Variants in COL21A1 observed in about 807,000 individuals in gnomAD.
COL21A1 encodes the protein collagen alpha-1(XXI) chain.
In COL21A1, 149 loss-of-function variants were observed where a neutral mutation model predicts 137.9. The ratio of observed to expected loss-of-function variants is 1.08; its 90% confidence interval spans 0.95 to 1.24. COL21A1 has a LOEUF of 1.24. Ranked by LOEUF, COL21A1 falls within the 50% of genes most tolerant of loss-of-function variation. COL21A1 has a pLI of 0.00. For synonymous variants in COL21A1, 456 were observed against 391.5 expected, an observed-to-expected ratio of 1.16 and a Z score of -1.95; for missense variants, 1,167 against 1,158.4, an observed-to-expected ratio of 1.01 and a Z score of -0.11.
intron 1 of COL21A1, among the ~76,000 whole-genome samples, chr6:56,334,089 A>G (rs6921043): frequency 0.67 from 102,433 of 151,786 alleles, 34,917 homozygotes; most frequent in East Asian, 0.9. Context: ...GAAAGAGGGA[A>G]TAGATAAAAA....
intron 1 of COL21A1, among the ~76,000 whole-genome samples, chr6:56,233,592 T>C (rs1400684992): frequency 6.6e-6 from 1 of 151,648 alleles, no homozygotes; most frequent in Admixed American, 6.6e-5. Context: ...TTTTACAAAA[T>C]ATTTCAGAAG....
intron 1 of COL21A1, among the ~76,000 whole-genome samples, chr6:56,189,444 A>AG (rs1778516052): frequency 6.6e-6 from 1 of 152,112 alleles, no homozygotes; most frequent in Non-Finnish European, 1.5e-5. Context: ...GAATGAATAA[A>AG]GCCTCCAAGA....
At chr6:56,101,660 T>C (rs1360313664) in intron 16 of COL21A1, 135 bp from the exon 17 acceptor site, 4 of 668,270 alleles carry the variant, frequency 6.0e-6, no homozygotes, top group Non-Finnish European at 1.0e-5. Flanking sequence ...GGACTACTGA[T>C]ATTAACTTTT....
At chr6:56,373,105 G>T (rs2093992952) in intron 1 of COL21A1, among the ~76,000 whole-genome samples, 2 of 152,150 alleles carry the variant, frequency 1.3e-5, no homozygotes, top group Non-Finnish European at 2.9e-5. Flanking sequence ...GTGATGTCCA[G>T]CATCCCAGGT....
At chr6:56,160,388 T>C (rs1269877654) in intron 9 of COL21A1, among the ~76,000 whole-genome samples, 1 of 152,146 alleles carries the variant, frequency 6.6e-6, no homozygotes, top group Non-Finnish European at 1.5e-5. Context: ...CACACAGCAG[T>C]GATAGAGATG....
intron 1 of COL21A1, among the ~76,000 whole-genome samples, chr6:56,295,502 G>C (rs1582762422): frequency 6.6e-6 from 1 of 151,932 alleles, no homozygotes; most frequent in Admixed American, 6.6e-5. Flanking sequence ...ATTTTATTAG[G>C]ATTCCATTGA....
chr6:56,385,032 T>C (rs2094015228), intron 1 of COL21A1, among the ~76,000 whole-genome samples: 1 of 152,200 alleles, frequency 6.6e-6, no homozygotes, highest in Admixed American at 6.5e-5. Context: ...AACTGAGTCC[T>C]GCAGAAGCAG....
intron 1 of COL21A1, among the ~76,000 whole-genome samples, chr6:56,282,123 G>A (rs942578262): frequency 3.3e-5 from 5 of 152,126 alleles, no homozygotes; most frequent in African/African-American, 9.7e-5. Context: ...GCAACTATTG[G>A]TTGGGGTCAT....
chr6:56,115,506 C>T (rs1390750563), intron 16 of COL21A1, among the ~76,000 whole-genome samples: 2 of 152,128 alleles, frequency 1.3e-5, no homozygotes, highest in Non-Finnish European at 2.9e-5. Context: ...TAGATCACAA[C>T]ACCCAAGTCC....
At chr6:56,379,718 G>A (rs150060728) in intron 1 of COL21A1, among the ~76,000 whole-genome samples, 40 of 152,094 alleles carry the variant, frequency 2.6e-4, no homozygotes, top group African/African-American at 9.7e-4. Context: ...ATAGGATTTC[G>A]TATTTAATAT....
chr6:56,192,999 A>C (rs1778793339), intron 1 of COL21A1, among the ~76,000 whole-genome samples: 1 of 152,212 alleles, frequency 6.6e-6, no homozygotes, highest in Non-Finnish European at 1.5e-5. Context: ...AAAAAGGATG[A>C]GTTCACGTCC....
intron 12 of COL21A1, 26 bp from the exon 13 acceptor site, chr6:56,126,175 C>G (rs1467028704): frequency 1.2e-5 from 17 of 1,474,018 alleles, no homozygotes. Context: ...AAATTAATTA[C>G]AAAGAAAAAC....
intron 1 of COL21A1, among the ~76,000 whole-genome samples, chr6:56,239,882 C>A (rs1050077206): frequency 6.6e-6 from 1 of 152,152 alleles, no homozygotes; most frequent in Non-Finnish European, 1.5e-5. Context: ...GTATGGTTTG[C>A]CTGTGTCCCA....
chr6:56,365,769 C>T (rs557472865), intron 1 of COL21A1, among the ~76,000 whole-genome samples: 4 of 152,238 alleles, frequency 2.6e-5, no homozygotes, highest in Non-Finnish European at 5.9e-5. Flanking sequence ...GGTATGACAT[C>T]GAGCAGTTTC....
At chr6:56,079,494 C>G (rs1046853227) in intron 17 of COL21A1, among the ~76,000 whole-genome samples, 1 of 151,558 alleles carries the variant, frequency 6.6e-6, no homozygotes, top group Non-Finnish European at 1.5e-5. Context: ...CTGGAGAAAA[C>G]AGTTATACCC....
At chr6:56,224,192 G>A (rs1781049890) in intron 1 of COL21A1, among the ~76,000 whole-genome samples, 1 of 152,098 alleles carries the variant, frequency 6.6e-6, no homozygotes, top group South Asian at 2.1e-4. Context: ...AGGGGAAAAA[G>A]CAACCAATGC....
chr6:56,323,843 T>C (rs1764934768), intron 1 of COL21A1, among the ~76,000 whole-genome samples: 1 of 152,156 alleles, frequency 6.6e-6, no homozygotes. Context: ...TACTATGATG[T>C]AGCCTGAAGT....
chr6:56,150,565 C>CACACACAA (rs1402170446), intron 10 of COL21A1, among the ~76,000 whole-genome samples: 2,123 of 112,640 alleles, frequency 0.019, 89 homozygotes, highest in African/African-American at 0.053. Context: ...CACACACACA[C>CACACACAA]AAGAGTGGGG....
chr6:56,112,992 G>A (rs1195452937), intron 16 of COL21A1, among the ~76,000 whole-genome samples: 3 of 152,136 alleles, frequency 2.0e-5, no homozygotes, highest in Admixed American at 1.3e-4. Flanking sequence ...CCCAGAGGAA[G>A]CATTTAAACC....
Sources: gnomAD v4.1 joint callset for allele counts (sites outside exome capture counted in the v4.1 genomes callset) on GRCh38, gnomAD v4.1.1 for gene constraint, MANE v1.5 for transcripts, NCBI Gene and HGNC (gene_info 2026-07-23, HGNC 2026-07-21) for gene names.